GALNT14: variants seen among roughly 807,000 people sequenced by gnomAD.
GALNT14 encodes the protein UDP-GalNAc:polypeptide N-acetylgalactosaminyltransferase 14.
A neutral mutation model predicts 77.5 loss-of-function variants in GALNT14; 60 were observed. The ratio of observed to expected loss-of-function variants is 0.77; its 90% CI spans 0.63 to 0.96. GALNT14 has a LOEUF of 0.96. GALNT14 is among the 40% of genes least tolerant of loss of function. The pLI is 0.00. For synonymous variants in GALNT14, 280 were observed against 281.7 expected (o/e 0.99, Z 0.06); for missense variants, 710 against 731.0 (o/e 0.97, Z 0.33).
the GALNT14 span, among the ~76,000 whole-genome samples, chr2:30,896,679 C>T: frequency 6.6e-6 from 1 of 152,068 alleles, no homozygotes; most frequent in African/African-American, 2.4e-5. Flanking sequence ...AGAAATTAAG[C>T]CTGGTTATTG....
chr2:30,901,576 A>C, the GALNT14 span, among the ~76,000 whole-genome samples: 1 of 151,660 alleles, frequency 6.6e-6, no homozygotes, highest in Non-Finnish European at 1.5e-5. Flanking sequence ...ATATGTGTGT[A>C]TATATGTGAG....
rs561572598 is a variant in GALNT14 at position 31,070,325 on chromosome 2, G to A, written c.129+67633C>T. ...TGGTGTTAGAAAGGGGACCACGTAG[G>A]TCCCATTGTTCCTCTGGAAGAAACC... On this transcript the variant is annotated intron_variant, in intron 1 of 14. Transcript: ENST00000349752. Among the ~76,000 whole-genome samples, 19 of 152,272 alleles carry A rather than the reference G, an allele frequency of 1.2e-4. No homozygotes were observed. In the South Asian group the frequency reaches 3.9e-3, roughly 32 times the overall value.
intron 2 of GALNT14, among the ~76,000 whole-genome samples, chr2:30,971,337 A>G (rs1668340902): frequency 6.6e-6 from 1 of 152,124 alleles, no homozygotes; most frequent in African/African-American, 2.4e-5. Context: ...TTACTGGAAG[A>G]AGAGCCAGTG....
intron 6 of GALNT14, among the ~76,000 whole-genome samples, chr2:30,948,096 A>G (rs1666811698): frequency 6.6e-6 from 1 of 152,318 alleles, no homozygotes; most frequent in Non-Finnish European, 1.5e-5. Context: ...CACCATCCAC[A>G]CAAATACCTG....
At chr2:31,085,493 C>T (rs1221971006) in intron 1 of GALNT14, among the ~76,000 whole-genome samples, 1 of 152,260 alleles carries the variant, frequency 6.6e-6, no homozygotes, top group African/African-American at 2.4e-5. Flanking sequence ...GCAGGAGGCA[C>T]ATGGAGTAGG....
At chr2:30,904,622 C>A in the GALNT14 span, among the ~76,000 whole-genome samples, 1 of 152,178 alleles carries the variant, frequency 6.6e-6, no homozygotes, top group African/African-American at 2.4e-5. Flanking sequence ...AAGGCAGCAG[C>A]GAGGCTGGGG....
intron 3 of GALNT14, among the ~76,000 whole-genome samples, chr2:30,963,107 C>T (rs1383615631): frequency 1.3e-5 from 2 of 152,144 alleles, no homozygotes; most frequent in Non-Finnish European, 2.9e-5. Flanking sequence ...TGGCTGACAT[C>T]TGAAGTTCCT....
intron 6 of GALNT14, among the ~76,000 whole-genome samples, chr2:30,951,836 C>T (rs1459855830): frequency 6.6e-6 from 1 of 152,132 alleles, no homozygotes; most frequent in African/African-American, 2.4e-5. Flanking sequence ...ACCTAGCAGC[C>T]CCCAATATCC....
At chr2:30,903,477 C>A in the GALNT14 span, among the ~76,000 whole-genome samples, 2 of 152,208 alleles carry the variant, frequency 1.3e-5, no homozygotes, top group Admixed American at 1.3e-4. Context: ...GCCATCCGGG[C>A]TTACTTGCCT....
At chr2:31,015,170 T>TAATC (rs1671274539) in intron 1 of GALNT14, among the ~76,000 whole-genome samples, 1 of 151,932 alleles carries the variant, frequency 6.6e-6, no homozygotes, top group South Asian at 2.1e-4. Flanking sequence ...TGCACTCCTG[T>TAATC]AATCCCAGCT....
intron 1 of GALNT14, among the ~76,000 whole-genome samples, chr2:31,120,025 G>C (rs1204883969): frequency 8.1e-6 from 1 of 122,810 alleles, no homozygotes; most frequent in African/African-American, 2.6e-5. Context: ...GCGTGGTAGC[G>C]GGCGCCTGTA....
At chr2:31,034,438 G>T (rs1312067410) in intron 1 of GALNT14, among the ~76,000 whole-genome samples, 1 of 152,154 alleles carries the variant, frequency 6.6e-6, no homozygotes, top group Non-Finnish European at 1.5e-5. Flanking sequence ...ATGCAGCCTA[G>T]CACCACAGCC....
chr2:31,020,512 T>C (rs1427493244), intron 1 of GALNT14, among the ~76,000 whole-genome samples: 3 of 152,156 alleles, frequency 2.0e-5, no homozygotes, highest in Non-Finnish European at 4.4e-5. Flanking sequence ...AAATTCAAGA[T>C]GGCCTCCGGA....
chr2:30,966,395 T>C (rs1668009552), intron 2 of GALNT14, 93 bp from the exon 3 acceptor site: 1 of 842,968 alleles, frequency 1.2e-6, no homozygotes, highest in Non-Finnish European at 2.0e-6. Flanking sequence ...GGCATCCCTA[T>C]GCCAGATGCT....
chr2:31,120,933 C>A (rs936804481), intron 1 of GALNT14, among the ~76,000 whole-genome samples: 1 of 152,182 alleles, frequency 6.6e-6, no homozygotes, highest in African/African-American at 2.4e-5. Context: ...GTGTTAGGAC[C>A]ATTCCTGGTT....
intron 1 of GALNT14, among the ~76,000 whole-genome samples, chr2:31,070,352 A>G (rs1490421521): frequency 2.0e-5 from 3 of 152,210 alleles, no homozygotes; most frequent in African/African-American, 7.2e-5. Flanking sequence ...GAAGAAACCT[A>G]GACATGGCCA....
At chr2:30,998,787 A>G (rs990394733) in intron 1 of GALNT14, among the ~76,000 whole-genome samples, 6 of 152,136 alleles carry the variant, frequency 3.9e-5, no homozygotes, top group Non-Finnish European at 8.8e-5. Context: ...TCCAGCCCCC[A>G]TGTTCTTTGC....
At chr2:30,912,458 C>G in intron 13 of GALNT14, 116 bp from the exon 14 acceptor site, 1 of 1,170,756 alleles carries the variant, frequency 8.5e-7, no homozygotes, top group Non-Finnish European at 1.2e-6. Flanking sequence ...CCAAGGGTCC[C>G]AGTAGGCAAT....
At chr2:30,955,863 A>AC (rs767113078) in intron 5 of GALNT14, 49 bp downstream of exon 5, 15 of 1,610,686 alleles carry the variant, frequency 9.3e-6, no homozygotes, top group African/African-American at 2.7e-5. Context: ...CACACCTTCG[A>AC]CCCCCCGACA....
Sources: allele counts gnomAD v4.1 joint callset (sites outside exome capture counted in the v4.1 genomes callset), GRCh38; gene constraint gnomAD v4.1.1; transcripts MANE v1.5; gene names NCBI Gene and HGNC (gene_info 2026-07-23, HGNC 2026-07-21).